Variants in GPR141 observed in about 807,000 individuals in gnomAD.
GPR141 encodes the protein probable G protein-coupled receptor 141.
A neutral mutation model predicts 6.8 loss-of-function variants in GPR141; 6 were observed. The ratio of observed to expected loss-of-function variants is 0.88; its 90% confidence interval spans 0.48 to 1.74. GPR141 has a LOEUF of 1.74. Among genes scored for constraint, GPR141 ranks in the 40% most tolerant of loss-of-function variants. GPR141 has a pLI of 0.01. For synonymous variants in GPR141, 140 were observed against 142.3 expected, an observed-to-expected ratio of 0.98 and a Z score of 0.11; for missense variants, 372 against 372.9, an observed-to-expected ratio of 1.00 and a Z score of 0.02.
intron 2 of GPR141, among the ~76,000 whole-genome samples, chr7:37,689,753 T>C (rs1034280363): frequency 1.3e-5 from 2 of 152,018 alleles, no homozygotes; most frequent in African/African-American, 2.4e-5. Context: ...TACAGTCTCT[T>C]TTCATTTCTG....
At chr7:37,693,136 G>A (rs1468601666) in intron 2 of GPR141, among the ~76,000 whole-genome samples, 2 of 152,094 alleles carry the variant, frequency 1.3e-5, no homozygotes, top group Non-Finnish European at 2.9e-5. Context: ...TATGGTTTTA[G>A]GCTTTATATT....
chr7:37,684,860 A>T (rs1809426613), intron 1 of GPR141, among the ~76,000 whole-genome samples: 2 of 152,216 alleles, frequency 1.3e-5, no homozygotes, highest in Non-Finnish European at 2.9e-5. Flanking sequence ...TAATCAGTCA[A>T]TAGAAGTAAT....
At chr7:37,706,804 A>C (rs1230641325) in intron 2 of GPR141, among the ~76,000 whole-genome samples, 1 of 152,182 alleles carries the variant, frequency 6.6e-6, no homozygotes, top group Non-Finnish European at 1.5e-5. Flanking sequence ...ATTTTGTAGG[A>C]CGCTTTTTCA....
chr7:37,690,903 A>G (rs1809730179), intron 2 of GPR141, among the ~76,000 whole-genome samples: 1 of 152,168 alleles, frequency 6.6e-6, no homozygotes. Context: ...CCATGCTGAG[A>G]ACAAAGTGTT....
chr7:37,733,279 G>A (rs559838532), intron 2 of GPR141, among the ~76,000 whole-genome samples: 1 of 152,132 alleles, frequency 6.6e-6, no homozygotes, highest in Non-Finnish European at 1.5e-5. Context: ...TTTTGGGATG[G>A]GAAGAAGCCC....
intron 2 of GPR141, among the ~76,000 whole-genome samples, chr7:37,714,476 A>AT (rs1334863734): frequency 6.6e-6 from 1 of 152,210 alleles, no homozygotes; most frequent in East Asian, 1.9e-4. Flanking sequence ...GATAGTTACT[A>AT]TGCAGCCATA....
At position 37,683,811 on chromosome 7, in the gene GPR141, C is replaced by G. The variant is rs1208248060; in HGVS notation, c.-231C>G. 1.3e-5 allele frequency: 2 copies of G among 152,174 alleles called. No homozygotes were observed. The highest frequency in any genetic ancestry group is 1.3e-4 in the Admixed American group (2 of 15,278). 9.4% of individuals were successfully genotyped at this position (152,174 alleles called of 1,614,324 possible). ...AAATGCATGCAGAGCATGGAAATGA[C>G]CCAGCTGCCCTGCTGTTGAAACAGA... On this transcript the variant is annotated 5_prime_UTR_variant, in exon 1 of 3. Coordinates refer to ENST00000334425, the MANE Select transcript of GPR141 (RefSeq NM_001381946.1).
At chr7:37,730,566 G>A (rs565655915) in intron 2 of GPR141, among the ~76,000 whole-genome samples, 14 of 152,356 alleles carry the variant, frequency 9.2e-5, no homozygotes, top group East Asian at 3.8e-4. Context: ...ACACTTGGCA[G>A]GTTCTGTATA....
At chr7:37,719,424 T>C (rs879115162) in intron 2 of GPR141, among the ~76,000 whole-genome samples, 1 of 152,230 alleles carries the variant, frequency 6.6e-6, no homozygotes, top group Admixed American at 6.5e-5. Flanking sequence ...CTGCATCTCT[T>C]CTTCCTTCAT....
chr7:37,740,638 T>A lies in GPR141; in HGVS notation c.245T>A (p.Met82Lys). 1 of 1,614,108 alleles carries A rather than the reference T, an allele frequency of 6.2e-7. No homozygotes were observed. The highest frequency in any genetic ancestry group is 1.3e-5 in the African/African-American group (1 of 75,044). The change falls in exon 3 of 3, where the codon ATG (methionine) becomes AAG (lysine). Residue 82 changes from methionine (M) to lysine (K), a missense_variant. Physicochemically the swap from Met to Lys is moderately conservative, Grantham distance 95 (BLOSUM62 -1). Transcript: ENST00000334425. Reference sequence around the variant, plus strand: ...ACCTACCTCATCAAGAAGACTTGGATGTTTGGGCTGCCCTTCTGCAAATTT... The same window carrying A: ...ACCTACCTCATCAAGAAGACTTGGAAGTTTGGGCTGCCCTTCTGCAAATTT... ...RLTYLIKKTW[M>K]FGLPFCKFVS...
chr7:37,709,987 C>CCATGA (rs142437055), intron 2 of GPR141, among the ~76,000 whole-genome samples: 22,492 of 152,136 alleles, frequency 0.15, 1,817 homozygotes, highest in East Asian at 0.24. Context: ...AGCATTCTCT[C>CCATGA]ACAGCATGGA....
Position 37,740,412 on chromosome 7 carries a change from T to G in GPR141, c.19T>G (p.Ser7Ala), listed in dbSNP as rs758984161. 10 of 1,601,862 alleles carry G rather than the reference T, an allele frequency of 6.2e-6. No homozygotes were observed. ...CCCAAGTATGCCTGGCCACAATACC[T>G]CCAGGAATTCCTCTTGCGATCCTAT... Reference protein sequence around the residue: MPGHNTSRNSSCDPIVT... With the variant: MPGHNTARNSSCDPIVT... Residue 7 changes from serine (S) to alanine (A), a missense_variant, in exon 3 of 3, where the codon TCC becomes GCC. By Grantham distance (99) the Ser-to-Ala change is moderately conservative (BLOSUM62 1). Transcript: ENST00000334425.
At chr7:37,712,008 A>C (rs1810821052) in intron 2 of GPR141, among the ~76,000 whole-genome samples, 1 of 152,228 alleles carries the variant, frequency 6.6e-6, no homozygotes. Flanking sequence ...ACAATTCAGG[A>C]ATCTAAGTCC....
intron 2 of GPR141, among the ~76,000 whole-genome samples, chr7:37,714,114 G>A (rs1031527077): frequency 4.0e-5 from 6 of 151,816 alleles, no homozygotes; most frequent in Admixed American, 6.6e-5. Flanking sequence ...AGTAAAGAAT[G>A]TTTGGGTGGC....
intron 2 of GPR141, among the ~76,000 whole-genome samples, chr7:37,689,119 A>C (rs927052398): frequency 1.3e-5 from 2 of 152,084 alleles, no homozygotes; most frequent in Non-Finnish European, 2.9e-5. Flanking sequence ...AAATTTATCA[A>C]ATGCTTTTTC....
At chr7:37,702,429 C>T (rs17171134) in intron 2 of GPR141, among the ~76,000 whole-genome samples, 20,961 of 151,224 alleles carry the variant, frequency 0.14, 1,770 homozygotes, top group South Asian at 0.26. Flanking sequence ...TTCTTCACTT[C>T]GTTTTTTTAC....
At chr7:37,722,865 A>G (rs945588773) in intron 2 of GPR141, among the ~76,000 whole-genome samples, 1 of 152,208 alleles carries the variant, frequency 6.6e-6, no homozygotes, top group Non-Finnish European at 1.5e-5. Context: ...AGATATTAGC[A>G]GAAAATACAC....
At chr7:37,699,602 A>G (rs1464819015) in intron 2 of GPR141, among the ~76,000 whole-genome samples, 1 of 152,202 alleles carries the variant, frequency 6.6e-6, no homozygotes, top group Non-Finnish European at 1.5e-5. Context: ...ATGCTCCAGT[A>G]AAACTTTATT....
chr7:37,733,788 G>T (rs1812102967), intron 2 of GPR141, among the ~76,000 whole-genome samples: 1 of 152,006 alleles, frequency 6.6e-6, no homozygotes, highest in African/African-American at 2.4e-5. Flanking sequence ...AAAAACAGAA[G>T]TTTGCAGGAA....
Sources: gnomAD v4.1 joint callset for allele counts (sites outside exome capture counted in the v4.1 genomes callset) on GRCh38, gnomAD v4.1.1 for gene constraint, MANE v1.5 for transcripts, NCBI Gene and HGNC (gene_info 2026-07-23, HGNC 2026-07-21) for gene names.